SFXN5: variants seen among roughly 807,000 people sequenced by gnomAD.
SFXN5 encodes the protein sideroflexin-5.
In SFXN5, 43 loss-of-function variants were observed where a neutral mutation model predicts 50.2. The ratio of observed to expected loss-of-function variants is 0.86; its 90% CI spans 0.67 to 1.11. SFXN5 has a LOEUF of 1.11. SFXN5 is among the 50% of genes least tolerant of loss of function. The probability of loss-of-function intolerance (pLI) is 0.00; values close to 1 mark genes in which losing one functional copy is unlikely to be tolerated. For missense variants in SFXN5, 463 were observed against 454.1 expected, an observed-to-expected ratio of 1.02 and a Z score of -0.18; for synonymous variants, 203 against 185.8, an observed-to-expected ratio of 1.09 and a Z score of -0.75.
intron 10 of SFXN5, among the ~76,000 whole-genome samples, chr2:72,974,954 T>G (rs1370077123): frequency 6.6e-6 from 1 of 152,076 alleles, no homozygotes; most frequent in Non-Finnish European, 1.5e-5. Flanking sequence ...ATTGATGGTA[T>G]CAGCAGGTTA....
At chr2:73,068,673 G>A (rs1683348467) in intron 1 of SFXN5, among the ~76,000 whole-genome samples, 1 of 152,040 alleles carries the variant, frequency 6.6e-6, no homozygotes, top group South Asian at 2.1e-4. Context: ...GCCAGGCACT[G>A]TGCTGAGCCT....
intron 12 of SFXN5, among the ~76,000 whole-genome samples, chr2:72,963,234 C>T (rs758753212): frequency 1.2e-4 from 19 of 152,168 alleles, no homozygotes; most frequent in Non-Finnish European, 2.4e-4. Flanking sequence ...GCCCACAGCC[C>T]TGAGAGCAGT....
chr2:73,040,911 C>T lies in SFXN5; in HGVS notation c.192G>A (p.Val64=). Residue 64 remains valine, a synonymous_variant, in exon 3 of 14, where the codon GTG becomes GTA. Transcript: ENST00000272433. The stretch of plus-strand genomic sequence containing the variant: ...CATGCTTATAGTCCTCCAGCAGCTG[C>T]ACAGCCTCTCTGAGACGTCTCTGCA... ...FVTERRLREA[V]QLLEDYKHGT... The T allele has an allele frequency of 6.2e-7, 1 of 1,613,084 alleles. No individual in the cohort carries two copies. Among genetic ancestry groups the T allele is most frequent in the Non-Finnish European group, 8.5e-7 (1 of 1,179,788 alleles).
In SFXN5 at chr2:72,950,601, C is replaced by T. The variant is rs1488481831; in HGVS notation, c.946-5502G>A. ...CTATATGTGATGTTTCCTCCCCTGT[C>T]CACCAAAAACTAAGCATCTCCCTTG... On this transcript the variant is annotated intron_variant, in intron 13 of 13. Coordinates refer to ENST00000272433, the MANE Select transcript of SFXN5 (RefSeq NM_144579.3). The surrounding 1 kb of genome is among the most constrained non-coding windows in gnomAD (Gnocchi z 4.2). 6.6e-6 allele frequency among the ~76,000 whole-genome samples: 1 copy of T among 152,202 alleles called. No individual in the cohort carries two copies. The highest frequency in any genetic ancestry group is 1.5e-5 in the Non-Finnish European group (1 of 68,028).
rs1276457823 is a variant in SFXN5, at chr2:72,944,540, G to C, written c.*482C>G. The stretch of plus-strand genomic sequence containing the variant: ...CAGGGAGCCATCTGGGCTGGCCATT[G>C]TAATATCCTAAATTTACCAGCCTGG... On this transcript the variant is annotated 3_prime_UTR_variant, in exon 14 of 14. Transcript: ENST00000272433. The C allele has an allele frequency of 1.9e-5, 3 of 158,614 alleles. No individual in the cohort carries two copies. The highest frequency in any genetic ancestry group is 7.2e-5 in the African/African-American group (3 of 41,536). The allele number at this position is 158,614 out of a possible 1,614,324, so 9.8% of individuals were successfully genotyped here.
chr2:73,009,375 G>A (rs1247986531), intron 6 of SFXN5, among the ~76,000 whole-genome samples: 1 of 152,232 alleles, frequency 6.6e-6, no homozygotes, highest in Non-Finnish European at 1.5e-5. Context: ...CCCAGGGGTG[G>A]GGAGGAGTGG....
intron 1 of SFXN5, among the ~76,000 whole-genome samples, chr2:73,067,114 C>CA (rs1294622173): frequency 6.6e-6 from 1 of 152,002 alleles, no homozygotes; most frequent in Non-Finnish European, 1.5e-5. Flanking sequence ...TTAAACAAAT[C>CA]AAAAAACCCT....
chr2:72,965,455 C>T (rs1319017822), intron 12 of SFXN5, among the ~76,000 whole-genome samples: 1 of 152,188 alleles, frequency 6.6e-6, no homozygotes, highest in Admixed American at 6.5e-5. Context: ...AGCCCTCTGT[C>T]CTCGCGATAA....
intron 13 of SFXN5, among the ~76,000 whole-genome samples, chr2:72,952,487 A>G (rs980177172): frequency 1.3e-5 from 2 of 152,172 alleles, no homozygotes; most frequent in Non-Finnish European, 2.9e-5. Flanking sequence ...GTAGGTCCTC[A>G]GTAACAGCTG....
intron 10 of SFXN5, among the ~76,000 whole-genome samples, chr2:72,974,658 C>T (rs1670412504): frequency 6.6e-6 from 1 of 152,208 alleles, no homozygotes; most frequent in African/African-American, 2.4e-5. Context: ...TATGCAGAGG[C>T]TACCAGCCAT....
intron 5 of SFXN5, among the ~76,000 whole-genome samples, chr2:73,021,030 C>A (rs1293665338): frequency 6.6e-6 from 1 of 152,186 alleles, no homozygotes; most frequent in Non-Finnish European, 1.5e-5. Context: ...CACATAATCA[C>A]ACACACACGT....
intron 8 of SFXN5, 146 bp from the exon 9 acceptor site, chr2:72,999,160 G>T: frequency 1.3e-6 from 1 of 746,408 alleles, no homozygotes; most frequent in Admixed American, 2.2e-5. Flanking sequence ...GACTCAAAGG[G>T]ATCAGGCCAC....
intron 3 of SFXN5, among the ~76,000 whole-genome samples, chr2:73,035,916 C>A (rs780293621): frequency 6.6e-6 from 1 of 152,154 alleles, no homozygotes; most frequent in African/African-American, 2.4e-5. Context: ...TTGCGCATAC[C>A]CACTGGTGAG....
In SFXN5 at chr2:73,039,363, G is replaced by A. The variant is rs932196494; in HGVS notation, c.249+1491C>T. On this transcript the variant is annotated intron_variant, in intron 3 of 13. Transcript: ENST00000272433. Reference sequence around the variant, plus strand: ...TGAGAGATGGTACAAAGGAAAGTATGCCAATGAAAAATCTGAGGTGGTTAT... The same window carrying A: ...TGAGAGATGGTACAAAGGAAAGTATACCAATGAAAAATCTGAGGTGGTTAT... 3.3e-5 allele frequency among the ~76,000 whole-genome samples: 5 copies of A among 152,170 alleles called. No homozygotes were observed. In the East Asian group the frequency reaches 5.8e-4, roughly 18 times the overall value.
In SFXN5 at chr2:72,945,016, C is replaced by T; in HGVS notation, c.*6G>A. The T allele has an allele frequency of 6.2e-7, 1 of 1,613,454 alleles. No individual in the cohort carries two copies. Among genetic ancestry groups the T allele is most frequent in the Non-Finnish European group, 8.5e-7 (1 of 1,179,650 alleles). On this transcript the variant is annotated 3_prime_UTR_variant, in exon 14 of 14. Coordinates refer to ENST00000272433, the MANE Select transcript of SFXN5 (RefSeq NM_144579.3). This position sits in a 1 kb window ranked among gnomAD's most constrained non-coding sequence, Gnocchi z 5.8. The stretch of plus-strand genomic sequence containing the variant: ...CAGTGCTCCGTCCCCAGGCCGCTGA[C>T]CACACTCACAACCCCTTGTTGTACA...
At chr2:73,057,551 T>C (rs959986026) in intron 2 of SFXN5, among the ~76,000 whole-genome samples, 7 of 152,214 alleles carry the variant, frequency 4.6e-5, no homozygotes, top group Middle Eastern at 3.4e-3. Context: ...AAGCAGATGA[T>C]TGGTTGACAG....
rs763389266 is a variant in SFXN5, at chr2:73,001,572, C to A, written c.364G>T (p.Gly122Cys). 2 of 1,614,056 alleles carry A rather than the reference C, an allele frequency of 1.2e-6. No homozygotes were observed. The highest frequency in any genetic ancestry group is 3.3e-5 in the Admixed American group (2 of 60,002). The change falls in exon 7 of 14, where the codon GGT becomes TGT. Residue 122 changes from glycine (G) to cysteine (C), a missense_variant. Gly to Cys is a radical substitution (Grantham distance 159). Coordinates refer to ENST00000272433, the MANE Select transcript of SFXN5 (RefSeq NM_144579.3). The part of the protein sequence containing the change: ...YIPFGTPIVV[G>C]LLLPNQTLAS... ...AGTGTCTGGTTGGGCAAGAGAAGACCGACTACCTATGAGCAAGAGAGAAGA... is the reference window on the plus strand; with the variant it reads ...AGTGTCTGGTTGGGCAAGAGAAGACAGACTACCTATGAGCAAGAGAGAAGA...
At chr2:72,995,843 G>C (rs941993446) in intron 9 of SFXN5, among the ~76,000 whole-genome samples, 1 of 152,140 alleles carries the variant, frequency 6.6e-6, no homozygotes, top group African/African-American at 2.4e-5. Flanking sequence ...ACACACAAAA[G>C]AAAAGCAAGC....
intron 1 of SFXN5, among the ~76,000 whole-genome samples, chr2:73,070,048 A>G (rs972890825): frequency 1.3e-5 from 2 of 152,202 alleles, no homozygotes; most frequent in African/African-American, 4.8e-5. Flanking sequence ...GGCCAAAGAG[A>G]TGTGCAGGAG....
Sources: gnomAD v4.1 joint callset for allele counts (sites outside exome capture counted in the v4.1 genomes callset) on GRCh38, gnomAD v4.1.1 for gene constraint, Gnocchi (gnomAD v3.1) non-coding constraint, MANE v1.5 for transcripts, NCBI Gene and HGNC (gene_info 2026-07-23, HGNC 2026-07-21) for gene names.